The following MTCL1 variants were observed in gnomAD, a reference collection of about 807,000 sequenced individuals.
MTCL1 encodes microtubule cross-linking factor 1.
A neutral mutation model predicts 141.4 loss-of-function variants in MTCL1; 79 were observed. The ratio of observed to expected loss-of-function variants is 0.56; its 90% confidence interval spans 0.47 to 0.67. The LOEUF is 0.67. Among genes scored for constraint, MTCL1 ranks in the 30% least tolerant of loss-of-function variants. The pLI is 0.00. For missense variants in MTCL1, 2,177 were observed against 2,113.9 expected (o/e 1.03, Z -0.59); for synonymous variants, 914 against 875.8 (o/e 1.04, Z -0.77).
At chr18:8,744,288 T>C (rs1355796056) in intron 4 of MTCL1, among the ~76,000 whole-genome samples, 1 of 152,234 alleles carries the variant, frequency 6.6e-6, no homozygotes, top group Non-Finnish European at 1.5e-5. Flanking sequence ...CCCATTCTGC[T>C]CACTCACATT....
chr18:8,729,557 C>T (rs1179334403), intron 4 of MTCL1, among the ~76,000 whole-genome samples: 1 of 151,526 alleles, frequency 6.6e-6, no homozygotes, highest in Non-Finnish European at 1.5e-5. Flanking sequence ...TATACGCCAC[C>T]GCACCCAGCT....
intron 10 of MTCL1, among the ~76,000 whole-genome samples, chr18:8,804,336 A>G (rs1363473647): frequency 6.6e-6 from 1 of 151,344 alleles, no homozygotes; most frequent in Non-Finnish European, 1.5e-5. Context: ...GCTCACTGTA[A>G]CCTTGAACTC....
chr18:8,736,544 T>C (rs931043239), intron 4 of MTCL1, among the ~76,000 whole-genome samples: 1 of 152,138 alleles, frequency 6.6e-6, no homozygotes, highest in Admixed American at 6.5e-5. Flanking sequence ...AACAGAATGA[T>C]TGTACAGGTA....
intron 4 of MTCL1, among the ~76,000 whole-genome samples, chr18:8,776,044 T>C (rs1206080342): frequency 1.3e-5 from 2 of 152,220 alleles, no homozygotes; most frequent in African/African-American, 2.4e-5. Flanking sequence ...CTAACTGCGA[T>C]GTAAGGGACT....
intron 4 of MTCL1, among the ~76,000 whole-genome samples, chr18:8,776,616 G>A (rs779709902): frequency 5.9e-5 from 9 of 152,172 alleles, no homozygotes; most frequent in Non-Finnish European, 1.3e-4. Context: ...ATGAGTTGGA[G>A]TGGGTTTCCT....
chr18:8,739,272 C>G (rs1025394408), intron 4 of MTCL1, among the ~76,000 whole-genome samples: 2 of 152,026 alleles, frequency 1.3e-5, no homozygotes, highest in African/African-American at 4.8e-5. Context: ...AAAAAACACC[C>G]TGAAATATGG....
chr18:8,726,286 C>CTTTTTTTT (rs77665680), intron 4 of MTCL1, among the ~76,000 whole-genome samples: 112 of 102,274 alleles, frequency 1.1e-3, no homozygotes, highest in Non-Finnish European at 1.5e-3. Context: ...TTCTTTTTTT[C>CTTTTTTTT]TTTTTTTTTT....
At position 8,779,337 on chromosome 18, in the gene MTCL1, C is replaced by G. The variant is rs904823455; in HGVS notation, c.417+1445C>G. Among the ~76,000 whole-genome samples the G allele has an allele frequency of 6.6e-6, 1 of 152,138 alleles. No individual in the cohort carries two copies. Among genetic ancestry groups the G allele is most frequent in the Non-Finnish European group, 1.5e-5 (1 of 68,026 alleles). ...AGTTGGACTTGACCTACTTTCATACCACATTCCTGGGGCTATCCAATGATC... is the reference window on the plus strand; with the variant it reads ...AGTTGGACTTGACCTACTTTCATACGACATTCCTGGGGCTATCCAATGATC... On this transcript the variant is annotated intron_variant, in intron 5 of 16. Coordinates refer to ENST00000359865, the Ensembl canonical transcript of MTCL1. This position sits in a 1 kb window ranked among gnomAD's most constrained non-coding sequence, Gnocchi z 4.1.
intron 10 of MTCL1, among the ~76,000 whole-genome samples, chr18:8,798,888 T>C (rs1168980734): frequency 6.6e-6 from 1 of 152,204 alleles, no homozygotes; most frequent in Non-Finnish European, 1.5e-5. Context: ...TGCATTTTTA[T>C]ACCAAAATGG....
At position 8,809,722 on chromosome 18, in the gene MTCL1, A is replaced by G. The variant is rs1156636789; in HGVS notation, c.2604+2662A>G. ...CTCGCACGGCTGTCAGGTTTCTAGT[A>G]CGGGTGCCTGGGCGATGGGCCATCA... On this transcript the variant is annotated intron_variant, in intron 11 of 16. Transcript: ENST00000359865. 3 of 1,152,098 alleles carry G rather than the reference A, an allele frequency of 2.6e-6. No homozygotes were observed. The African/African-American group carries it at 4.7e-5, about 18-fold the overall frequency. The allele number at this position is 1,152,098 out of a possible 1,614,324, so 71.4% of individuals were successfully genotyped here.
chr18:8,831,890 G>GCCCA, exon 17 of MTCL1: 3 of 1,443,728 alleles, frequency 2.1e-6, no homozygotes, highest in Non-Finnish European at 2.8e-6. Context: ...CAACAGGAGA[G>GCCCA]ATCTAGTTTT....
intron 4 of MTCL1, among the ~76,000 whole-genome samples, chr18:8,727,048 C>A (rs1022347018): frequency 6.6e-6 from 1 of 152,140 alleles, no homozygotes; most frequent in Non-Finnish European, 1.5e-5. Context: ...TGAGAACATG[C>A]AGTATTGGAT....
intron 4 of MTCL1, among the ~76,000 whole-genome samples, chr18:8,721,534 G>C (rs1220394468): frequency 1.3e-5 from 2 of 151,974 alleles, no homozygotes; most frequent in African/African-American, 4.8e-5. Flanking sequence ...CGGCCTCCCT[G>C]CTCTTCCCAT....
Position 8,824,777 on chromosome 18 carries a change from G to A in MTCL1, c.3267G>A (p.Pro1089=), listed in dbSNP as rs372260226. 116 of 1,614,028 alleles carry A rather than the reference G, an allele frequency of 7.2e-5. No individual in the cohort carries two copies. In the Middle Eastern group the frequency reaches 8.2e-4, roughly 11 times the overall value. Residue 1089 remains proline (P), a synonymous_variant, in exon 15 of 17, where the codon CCG becomes CCA. Transcript: ENST00000359865. ...CCTTCCTGCCTGAGAAGGGCCTGCC[G>A]TCCACCAGCAGCAAGGAGGATGTCA...
chr18:8,706,687 C>T (rs1247344930), exon 1 of MTCL1: 8 of 1,546,184 alleles, frequency 5.2e-6, no homozygotes, highest in Non-Finnish European at 7.0e-6. Context: ...GATGGAGGAG[C>T]TGCGCTCGGA....
intron 16 of MTCL1, 49 bp from the exon 15 acceptor site, chr18:8,831,558 G>T (rs1334466268): frequency 6.5e-7 from 1 of 1,538,652 alleles, no homozygotes; most frequent in Non-Finnish European, 8.8e-7. Flanking sequence ...TCATCCACTG[G>T]TGACACTGCC....
exon 9 of MTCL1, chr18:8,796,346 C>G (rs2075918063): frequency 6.2e-7 from 1 of 1,614,206 alleles, no homozygotes; most frequent in Non-Finnish European, 8.5e-7. Flanking sequence ...TCTGATGCAG[C>G]AGGAGCTCCG....
At chr18:8,750,607 A>T (rs1302144398) in intron 4 of MTCL1, among the ~76,000 whole-genome samples, 2 of 152,168 alleles carry the variant, frequency 1.3e-5, no homozygotes. Flanking sequence ...GTTGAATGCT[A>T]CCAGTTCTTC....
intron 4 of MTCL1, among the ~76,000 whole-genome samples, chr18:8,724,434 A>G (rs79868022): frequency 0.023 from 3,534 of 152,136 alleles, 159 homozygotes; most frequent in African/African-American, 0.082. Flanking sequence ...CAAAATAAAA[A>G]CATTTTTCTT....
Sources: gnomAD v4.1 joint callset for allele counts (sites outside exome capture counted in the v4.1 genomes callset) on GRCh38, gnomAD v4.1.1 for gene constraint, Gnocchi (gnomAD v3.1) non-coding constraint, MANE v1.5 for transcripts, NCBI Gene and HGNC (gene_info 2026-07-23, HGNC 2026-07-21) for gene names.